The following FRS2 variants were observed in gnomAD, a reference collection of about 807,000 sequenced individuals.
FRS2 encodes fibroblast growth factor receptor substrate 2.
Under a neutral mutation model 43.9 loss-of-function variants are expected in FRS2, and 8 were observed. The ratio of observed to expected loss-of-function variants is 0.18; its 90% confidence interval spans 0.11 to 0.33. The LOEUF (loss-of-function observed/expected upper bound fraction) is 0.33, where lower values mean the gene tolerates loss of function less well. Ranked by LOEUF, FRS2 falls within the 10% of genes least tolerant of loss-of-function variation. FRS2 has a pLI of 1.00. For missense variants in FRS2, 534 were observed against 627.6 expected (o/e 0.85, Z 1.59); for synonymous variants, 219 against 220.3 (o/e 0.99, Z 0.05).
intron 1 of FRS2, among the ~76,000 whole-genome samples, chr12:69,481,803 G>A (rs1397786627): frequency 1.3e-5 from 2 of 152,080 alleles, no homozygotes; most frequent in Non-Finnish European, 2.9e-5. Flanking sequence ...TTGTAGTCAG[G>A]TTATGTTTAG....
chr12:69,523,630 G>A (rs1164017837), intron 1 of FRS2, among the ~76,000 whole-genome samples: 1 of 152,114 alleles, frequency 6.6e-6, no homozygotes, highest in Non-Finnish European at 1.5e-5. Flanking sequence ...ATGTTAACTT[G>A]TTATGCTGAC....
At chr12:69,568,568 TCTCTCTGTCTCTCTCTCTCTGTCC>T (rs1320767588) in intron 4 of FRS2, among the ~76,000 whole-genome samples, 2 of 151,924 alleles carry the variant, frequency 1.3e-5, no homozygotes, top group Non-Finnish European at 2.9e-5. Flanking sequence ...TCTCTCTCTC[TCTCTCTGTCTCTCTCTCTCTGTCC>T]CTCTCTGTCT....
At chr12:69,489,922 G>A (rs1284240962) in intron 1 of FRS2, among the ~76,000 whole-genome samples, 4 of 151,082 alleles carry the variant, frequency 2.6e-5, no homozygotes, top group Non-Finnish European at 5.9e-5. Flanking sequence ...GTTTGCTGAG[G>A]TATATTGTAG....
intron 1 of FRS2, among the ~76,000 whole-genome samples, chr12:69,503,280 G>A (rs1263895242): frequency 2.0e-5 from 3 of 152,048 alleles, no homozygotes; most frequent in Non-Finnish European, 4.4e-5. Flanking sequence ...TATCGTTTTT[G>A]TCTAATCTCT....
In FRS2 at chr12:69,574,681, C is replaced by T. The variant is rs760336153; in HGVS notation, c.1253C>T (p.Thr418Ile). 1.1e-5 allele frequency: 18 copies of T among 1,614,080 alleles called. No individual in the cohort carries two copies. The highest frequency in any genetic ancestry group is 1.7e-6 in the Non-Finnish European group (2 of 1,180,032). ...EYSRRRDCTP[T>I]VFNFDIRRPS... ...TCAAGGCGTCGGGACTGTACACCAA[C>T]AGTCTTTAACTTTGATATCAGACGC... is the stretch of plus-strand genomic sequence containing the variant. Residue 418 changes from threonine (T) to isoleucine (I), a missense_variant, in exon 9 of 9, where the codon ACA (threonine) becomes ATA (isoleucine). This residue lies in a region of FRS2 where 446 missense variants were observed against 494.2 expected (regional missense o/e 0.90). Transcript: ENST00000549921.
At chr12:69,483,195 C>T (rs7970621) in intron 1 of FRS2, among the ~76,000 whole-genome samples, 1,751 of 152,256 alleles carry the variant, frequency 0.012, 38 homozygotes, top group African/African-American at 0.039. Flanking sequence ...ACAGATTTCA[C>T]CATTTTTCAA....
At chr12:69,491,955 C>T (rs1478442401) in intron 1 of FRS2, among the ~76,000 whole-genome samples, 1 of 152,052 alleles carries the variant, frequency 6.6e-6, no homozygotes, top group Non-Finnish European at 1.5e-5. Flanking sequence ...GTATTCATTT[C>T]TAAAGATAGA....
intron 1 of FRS2, among the ~76,000 whole-genome samples, chr12:69,514,831 C>CAA (rs5798938): frequency 6.8e-6 from 1 of 146,062 alleles, no homozygotes. Context: ...GACTGTGTCT[C>CAA]AAAAAAAAAA....
chr12:69,511,800 T>C (rs1010627160), intron 1 of FRS2, among the ~76,000 whole-genome samples: 3 of 152,232 alleles, frequency 2.0e-5, no homozygotes, highest in African/African-American at 7.2e-5. Context: ...TGTTAGTAGT[T>C]ATGAAGTTTG....
chr12:69,557,642 GCA>G (rs1391926824), intron 3 of FRS2: 2,492 of 146,278 alleles, frequency 0.017, 68 homozygotes, highest in African/African-American at 0.059. Flanking sequence ...GCGCGCAGGT[GCA>G]TGCACGCTAG....
Position 69,474,643 on chromosome 12 carries a change from C to G in FRS2, c.-261+4113C>G, listed in dbSNP as rs141584942. Among the ~76,000 whole-genome samples the G allele has an allele frequency of 7.2e-5, 11 of 152,180 alleles. No homozygotes were observed. The East Asian group carries it at 1.7e-3, about 24-fold the overall frequency. On this transcript the variant is annotated intron_variant, in intron 1 of 8. Transcript: ENST00000549921. ...AGCAAGAATACTATGCTATCTTTAC[C>G]CTGTTTCAGGGAGGACAAACTACTT...
At chr12:69,480,983 A>G (rs1871301417) in intron 1 of FRS2, among the ~76,000 whole-genome samples, 1 of 152,136 alleles carries the variant, frequency 6.6e-6, no homozygotes, top group Non-Finnish European at 1.5e-5. Flanking sequence ...TATTCCTTAG[A>G]GCTTATAAGT....
Position 69,490,584 on chromosome 12 carries a change from A to T in FRS2, c.-261+20054A>T, listed in dbSNP as rs1872392285. On this transcript the variant is annotated intron_variant, in intron 1 of 8. Coordinates refer to ENST00000549921, the MANE Select transcript of FRS2 (RefSeq NM_001278356.2). ...GTGTATATAGCCATTTGAGATCTAG[A>T]CCATAACCAGAAATTTCAGCCAGAT... Among the ~76,000 whole-genome samples the T allele has an allele frequency of 3.3e-5, 5 of 152,138 alleles. No individual in the cohort carries two copies. The South Asian group carries it at 1.0e-3, about 32-fold the overall frequency.
chr12:69,548,901 A>G (rs773780319), intron 3 of FRS2, among the ~76,000 whole-genome samples: 2 of 152,196 alleles, frequency 1.3e-5, no homozygotes, highest in Non-Finnish European at 2.9e-5. Flanking sequence ...ACCACAGCCA[A>G]TCTGGTCTGC....
chr12:69,503,192 G>A (rs531989848), intron 1 of FRS2, among the ~76,000 whole-genome samples: 1 of 152,280 alleles, frequency 6.6e-6, no homozygotes, highest in African/African-American at 2.4e-5. Flanking sequence ...TCAGCTGGGA[G>A]CCACTCTCAG....
At chr12:69,506,736 T>G (rs372363185) in intron 1 of FRS2, among the ~76,000 whole-genome samples, 24 of 152,348 alleles carry the variant, frequency 1.6e-4, no homozygotes, top group African/African-American at 5.8e-4. Flanking sequence ...ATGAATTGTT[T>G]TAATGTCTTA....
intron 1 of FRS2, among the ~76,000 whole-genome samples, chr12:69,518,228 C>T (rs186920667): frequency 7.2e-5 from 11 of 152,248 alleles, no homozygotes; most frequent in Admixed American, 3.9e-4. Context: ...TGGTTGAACA[C>T]GTTGGTGATT....
At chr12:69,520,215 A>C (rs1875490909) in intron 1 of FRS2, among the ~76,000 whole-genome samples, 1 of 151,816 alleles carries the variant, frequency 6.6e-6, no homozygotes, top group South Asian at 2.1e-4. Flanking sequence ...TCTTTTGAAA[A>C]GTGTTGGTAC....
intron 5 of FRS2, among the ~76,000 whole-genome samples, chr12:69,569,596 C>A (rs1162133553): frequency 6.6e-6 from 1 of 152,200 alleles, no homozygotes. Flanking sequence ...CGATCTGTTA[C>A]AAAGAATAGC....
Sources: allele counts gnomAD v4.1 joint callset (sites outside exome capture counted in the v4.1 genomes callset), GRCh38; gene constraint gnomAD v4.1.1; regional missense constraint gnomAD v4.1.1; transcripts MANE v1.5; gene names NCBI Gene and HGNC (gene_info 2026-07-23, HGNC 2026-07-21).